Variants in CCSER1 observed in about 807,000 individuals in gnomAD.
The protein encoded by CCSER1 is coiled-coil serine rich protein 1.
Under a neutral mutation model 82.0 loss-of-function variants are expected in CCSER1, and 41 were observed. That is an observed-to-expected ratio of 0.50 (90% CI 0.39 to 0.65). The LOEUF is 0.65. Ranked by LOEUF, CCSER1 falls within the 30% of genes least tolerant of loss-of-function variation. The pLI is 0.00. For synonymous variants in CCSER1, 414 were observed against 383.9 expected (o/e 1.08, Z -0.92); for missense variants, 1,119 against 1,064.2 (o/e 1.05, Z -0.72).
intron 10 of CCSER1, among the ~76,000 whole-genome samples, chr4:91,562,645 GAA>G (rs1443689210): frequency 6.6e-6 from 1 of 151,486 alleles, no homozygotes; most frequent in Non-Finnish European, 1.5e-5. Flanking sequence ...GAAATTGAAT[GAA>G]AGTGTTCATT....
chr4:91,084,651 G>T (rs1194143695), intron 9 of CCSER1, among the ~76,000 whole-genome samples: 1 of 151,870 alleles, frequency 6.6e-6, no homozygotes, highest in African/African-American at 2.4e-5. Flanking sequence ...TATATTCTTT[G>T]TCACATATAA....
intron 6 of CCSER1, chr4:90,642,073 C>A: frequency 5.4e-6 from 1 of 184,802 alleles, no homozygotes; most frequent in Non-Finnish European, 1.2e-5. Context: ...CGGCACCCTG[C>A]AGAATCTCCA....
chr4:91,139,236 A>G (rs1447652935), intron 10 of CCSER1, among the ~76,000 whole-genome samples: 2 of 152,000 alleles, frequency 1.3e-5, no homozygotes, highest in Admixed American at 6.6e-5. Context: ...TTATGGCTGC[A>G]TAGTATTCCA....
rs141973345 is a variant in CCSER1, at chr4:91,564,034, A to T, written c.2218-34538A>T. Among the ~76,000 whole-genome samples the T allele has an allele frequency of 4.3e-3, 652 of 150,992 alleles. 8 individuals are homozygous for T. The highest frequency in any genetic ancestry group is 0.015 in the African/African-American group (608 of 41,204). On this transcript the variant is annotated intron_variant, in intron 10 of 10. Coordinates refer to ENST00000509176, the MANE Select transcript of CCSER1 (RefSeq NM_001145065.2). The stretch of plus-strand genomic sequence containing the variant: ...AGTTATCTTTTCTGCTCCTTTCCCT[A>T]CTCCCAGCCTCCCCCATTAATAGAC...
intron 5 of CCSER1, among the ~76,000 whole-genome samples, chr4:90,479,405 T>A (rs1009511174): frequency 2.0e-5 from 3 of 152,148 alleles, no homozygotes; most frequent in African/African-American, 7.2e-5. Flanking sequence ...ATACTTTAAG[T>A]TTTAGGGTAC....
chr4:91,550,488 C>T (rs1481050452), intron 10 of CCSER1, among the ~76,000 whole-genome samples: 6 of 152,054 alleles, frequency 3.9e-5, no homozygotes, highest in South Asian at 2.1e-4. Flanking sequence ...TTGGAGAATG[C>T]GATTTGTGCT....
At chr4:91,394,806 T>C (rs1272953487) in intron 10 of CCSER1, among the ~76,000 whole-genome samples, 1 of 151,828 alleles carries the variant, frequency 6.6e-6, no homozygotes, top group Non-Finnish European at 1.5e-5. Flanking sequence ...TGTATTGCTA[T>C]GCTACTTTAA....
At chr4:91,532,300 A>G (rs1481839919) in intron 10 of CCSER1, among the ~76,000 whole-genome samples, 5 of 152,228 alleles carry the variant, frequency 3.3e-5, no homozygotes, top group Admixed American at 6.5e-5. Context: ...CTAACTAGAA[A>G]AAGACGCATT....
chr4:90,309,668 A>G, intron 2 of CCSER1, 60 bp downstream of exon 2: 2 of 1,302,268 alleles, frequency 1.5e-6, no homozygotes, highest in Non-Finnish European at 1.0e-6. Context: ...TACTTTATTC[A>G]GTTTTCTTAT....
chr4:90,214,137 G>A (rs1740570707), intron 1 of CCSER1, among the ~76,000 whole-genome samples: 1 of 152,190 alleles, frequency 6.6e-6, no homozygotes, highest in African/African-American at 2.4e-5. Flanking sequence ...TTTGCTGAGA[G>A]GGGATGGAAC....
intron 3 of CCSER1, among the ~76,000 whole-genome samples, chr4:90,343,810 A>G (rs1741848761): frequency 6.6e-6 from 1 of 152,154 alleles, no homozygotes; most frequent in African/African-American, 2.4e-5. Flanking sequence ...ATTTTCATAC[A>G]GGCATGCAAT....
chr4:91,485,995 G>A (rs1189060825), intron 10 of CCSER1, among the ~76,000 whole-genome samples: 2 of 151,826 alleles, frequency 1.3e-5, no homozygotes, highest in African/African-American at 2.4e-5. Flanking sequence ...CTTAAAACAA[G>A]TTTTCTTTTT....
chr4:91,436,376 A>C (rs1221776960), intron 10 of CCSER1, among the ~76,000 whole-genome samples: 1 of 152,216 alleles, frequency 6.6e-6, no homozygotes, highest in African/African-American at 2.4e-5. Context: ...CTAAGAACTT[A>C]TGAAGAAAGG....
chr4:91,000,483 G>A (rs1276004106), intron 9 of CCSER1, among the ~76,000 whole-genome samples: 1 of 151,928 alleles, frequency 6.6e-6, no homozygotes, highest in Non-Finnish European at 1.5e-5. Context: ...GGTTTGATAG[G>A]AATAGCATTG....
intron 5 of CCSER1, among the ~76,000 whole-genome samples, chr4:90,617,119 A>T (rs1358893659): frequency 6.6e-6 from 1 of 152,206 alleles, no homozygotes; most frequent in East Asian, 1.9e-4. Context: ...AGAACAGTTT[A>T]TTCTTTTCAG....
chr4:90,296,429 C>G (rs1239821557), intron 1 of CCSER1, among the ~76,000 whole-genome samples: 1 of 152,058 alleles, frequency 6.6e-6, no homozygotes, highest in Non-Finnish European at 1.5e-5. Context: ...AAATTTTCTC[C>G]TATTCTGTAG....
At chr4:90,580,399 G>A (rs2148631316) in intron 5 of CCSER1, among the ~76,000 whole-genome samples, 1 of 152,200 alleles carries the variant, frequency 6.6e-6, no homozygotes, top group Admixed American at 6.5e-5. Context: ...GGGTTTTTAT[G>A]GGGAGTCATG....
At chr4:90,365,280 T>A (rs759725826) in intron 3 of CCSER1, among the ~76,000 whole-genome samples, 1 of 151,814 alleles carries the variant, frequency 6.6e-6, no homozygotes, top group African/African-American at 2.4e-5. Context: ...AATTTTATAT[T>A]TTTATAACAT....
At chr4:90,195,218 G>A (rs886382354) in intron 1 of CCSER1, among the ~76,000 whole-genome samples, 1 of 152,038 alleles carries the variant, frequency 6.6e-6, no homozygotes, top group African/African-American at 2.4e-5. Flanking sequence ...CTTAGTAGGT[G>A]AATGGTTAAA....
Sources: gnomAD v4.1 joint callset for allele counts (sites outside exome capture counted in the v4.1 genomes callset) on GRCh38, gnomAD v4.1.1 for gene constraint, MANE v1.5 for transcripts, NCBI Gene and HGNC (gene_info 2026-07-23, HGNC 2026-07-21) for gene names.